The following KIAA1217 variants were observed in gnomAD, a reference collection of about 807,000 sequenced individuals.
KIAA1217 encodes KIAA1217, also known as sickle tail protein homolog.
KIAA1217 carries 88 observed loss-of-function variants against 163.9 expected under a neutral mutation model. The observed-to-expected ratio is 0.54, with a 90% confidence interval of 0.45 to 0.64. The LOEUF (loss-of-function observed/expected upper bound fraction) is 0.64. Ranked by LOEUF, KIAA1217 falls within the 30% of genes least tolerant of loss-of-function variation. The probability of loss-of-function intolerance (pLI) is 0.00; values close to 1 mark genes in which losing one functional copy is unlikely to be tolerated. For missense variants in KIAA1217, 2,372 were observed against 2,475.0 expected, an observed-to-expected ratio of 0.96 and a Z score of 0.88; for synonymous variants, 903 against 923.1, an observed-to-expected ratio of 0.98 and a Z score of 0.39.
At chr10:24,141,224 AAC>A (rs2064055367) in intron 2 of KIAA1217, among the ~76,000 whole-genome samples, 1 of 73,910 alleles carries the variant, frequency 1.4e-5, no homozygotes. Flanking sequence ...AGAAAGAATA[AAC>A]CCCCCCCCCC....
intron 1 of KIAA1217, among the ~76,000 whole-genome samples, chr10:23,875,823 A>G (rs1013759274): frequency 6.6e-6 from 1 of 151,970 alleles, no homozygotes; most frequent in African/African-American, 2.4e-5. Flanking sequence ...GCTGGGAACC[A>G]TCATTCTAAG....
intron 2 of KIAA1217, among the ~76,000 whole-genome samples, chr10:24,280,806 T>G (rs1464442325): frequency 8.3e-6 from 1 of 120,806 alleles, no homozygotes; most frequent in Non-Finnish European, 1.8e-5. Context: ...CGAGACTCCG[T>G]CTCAAAAAAA....
chr10:24,196,138 C>CTCAAA (rs1477816135), intron 2 of KIAA1217, among the ~76,000 whole-genome samples: 25 of 4,948 alleles, frequency 5.1e-3, no homozygotes, highest in African/African-American at 9.5e-3. Flanking sequence ...TGTCTCAAAA[C>CTCAAA]ACACACACAC....
intron 1 of KIAA1217, among the ~76,000 whole-genome samples, chr10:23,935,192 T>C (rs1843474270): frequency 6.6e-6 from 1 of 152,176 alleles, no homozygotes; most frequent in Non-Finnish European, 1.5e-5. Context: ...GATGGCACCT[T>C]CCGTGTGTGG....
intron 2 of KIAA1217, among the ~76,000 whole-genome samples, chr10:24,356,284 G>A (rs1192862819): frequency 6.6e-6 from 1 of 152,168 alleles, no homozygotes; most frequent in African/African-American, 2.4e-5. Context: ...TGGTTTAGTT[G>A]CCCCAGTACA....
intron 2 of KIAA1217, among the ~76,000 whole-genome samples, chr10:24,076,617 T>A (rs1379027163): frequency 6.6e-6 from 1 of 152,134 alleles, no homozygotes; most frequent in Non-Finnish European, 1.5e-5. Flanking sequence ...TTGGAAAAGA[T>A]GAGTGCCTTA....
intron 2 of KIAA1217, among the ~76,000 whole-genome samples, chr10:24,259,923 A>C (rs2075561612): frequency 6.6e-6 from 1 of 152,206 alleles, no homozygotes; most frequent in Non-Finnish European, 1.5e-5. Context: ...TGAAATGCCA[A>C]ACCATTCCAT....
At chr10:24,047,794 G>T (rs968925212) in intron 2 of KIAA1217, among the ~76,000 whole-genome samples, 8 of 152,174 alleles carry the variant, frequency 5.3e-5, no homozygotes, top group African/African-American at 1.9e-4. Context: ...CCTCTTGCTA[G>T]TGGCACTCAA....
At chr10:24,298,675 A>G (rs1254899434) in intron 2 of KIAA1217, among the ~76,000 whole-genome samples, 2 of 152,038 alleles carry the variant, frequency 1.3e-5, no homozygotes, top group African/African-American at 4.8e-5. Flanking sequence ...GTACCTGCTT[A>G]TAGTCTCAGC....
At chr10:23,952,235 A>G (rs905406212) in intron 1 of KIAA1217, among the ~76,000 whole-genome samples, 2 of 152,078 alleles carry the variant, frequency 1.3e-5, no homozygotes, top group African/African-American at 4.8e-5. Flanking sequence ...TCTTCGGGAG[A>G]CTTCATTTAT....
chr10:24,209,577 C>A (rs1297996475), intron 1 of KIAA1217, among the ~76,000 whole-genome samples: 1 of 152,152 alleles, frequency 6.6e-6, no homozygotes, highest in East Asian at 1.9e-4. Context: ...AGCTTTTAAT[C>A]ATTTCCCCCC....
chr10:24,473,211 C>T lies in KIAA1217; in HGVS notation c.847-17C>T. 1 of 1,490,658 alleles carries T rather than the reference C, an allele frequency of 6.7e-7. No individual in the cohort carries two copies. Among genetic ancestry groups the T allele is most frequent in the Non-Finnish European group, 9.0e-7 (1 of 1,112,664 alleles). The allele number at this position is 1,490,658 out of a possible 1,614,324, so 92.3% of individuals were successfully genotyped here. On this transcript the variant is annotated splice_polypyrimidine_tract_variant and intron_variant, in intron 5 of 20. Transcript: ENST00000376454. The stretch of plus-strand genomic sequence containing the variant: ...GAATATCAAAGTCAACTTTCTGATC[C>T]CTTGTTTTCTTTTCAGATGCAGAGA...
intron 2 of KIAA1217, among the ~76,000 whole-genome samples, chr10:24,137,859 AG>A (rs1402561829): frequency 6.6e-6 from 1 of 152,212 alleles, no homozygotes; most frequent in African/African-American, 2.4e-5. Context: ...TTAAAAAACA[AG>A]GGTTTAGGTG....
intron 1 of KIAA1217, among the ~76,000 whole-genome samples, chr10:23,949,470 C>G (rs1331606868): frequency 1.3e-5 from 2 of 152,070 alleles, no homozygotes; most frequent in Non-Finnish European, 1.5e-5. Flanking sequence ...GTTTCCCTGA[C>G]AATGATTACT....
intron 2 of KIAA1217, among the ~76,000 whole-genome samples, chr10:24,310,397 AT>A (rs774806575): frequency 3.3e-5 from 5 of 152,356 alleles, no homozygotes; most frequent in Admixed American, 6.5e-5. Flanking sequence ...GATAAGATGA[AT>A]GACCACGACT....
At chr10:24,038,855 G>T (rs768848264) in intron 2 of KIAA1217, among the ~76,000 whole-genome samples, 2 of 148,920 alleles carry the variant, frequency 1.3e-5, no homozygotes, top group Non-Finnish European at 3.0e-5. Flanking sequence ...GGGCTCAGGT[G>T]ATCCTCCTGC....
chr10:24,489,678 A>G (rs1417635536), intron 6 of KIAA1217, among the ~76,000 whole-genome samples: 1 of 151,952 alleles, frequency 6.6e-6, no homozygotes, highest in African/African-American at 2.4e-5. Flanking sequence ...CCTGGGCAAC[A>G]TGGTGAAACC....
At chr10:23,840,960 A>C (rs910427694) in intron 1 of KIAA1217, among the ~76,000 whole-genome samples, 2 of 152,232 alleles carry the variant, frequency 1.3e-5, no homozygotes, top group Non-Finnish European at 2.9e-5. Context: ...TTTCAGGCCA[A>C]CAACTTCTAG....
intron 1 of KIAA1217, among the ~76,000 whole-genome samples, chr10:23,998,810 A>C (rs1007590246): frequency 1.3e-5 from 2 of 152,236 alleles, no homozygotes; most frequent in African/African-American, 4.8e-5. Flanking sequence ...GAGCAAAAAC[A>C]CAAGCATGGT....
Sources: allele counts gnomAD v4.1 joint callset (sites outside exome capture counted in the v4.1 genomes callset), GRCh38; gene constraint gnomAD v4.1.1; transcripts MANE v1.5; gene names NCBI Gene and HGNC (gene_info 2026-07-23, HGNC 2026-07-21).